Variants in CMIP observed in about 807,000 individuals in gnomAD.
CMIP encodes C-Maf-inducing protein.
In CMIP, 13 loss-of-function variants were observed where a neutral mutation model predicts 97.3. That is an observed-to-expected ratio of 0.13 (90% CI 0.09 to 0.21). The LOEUF is 0.21. CMIP is among the 10% of genes least tolerant of loss of function. CMIP has a pLI of 1.00. For missense variants in CMIP, 847 were observed against 1,024.9 expected (o/e 0.83, Z 2.37); for synonymous variants, 538 against 436.3 (o/e 1.23, Z -2.91).
At chr16:81,500,832 TC>T (rs1337027491) in intron 1 of CMIP, among the ~76,000 whole-genome samples, 3 of 151,860 alleles carry the variant, frequency 2.0e-5, no homozygotes, top group African/African-American at 4.8e-5. Context: ...CTTCCCTTCC[TC>T]CCTCCCTTCC....
intron 10 of CMIP, 59 bp from the exon 11 acceptor site, chr16:81,691,716 C>G: frequency 6.8e-7 from 1 of 1,473,308 alleles, no homozygotes; most frequent in East Asian, 2.3e-5. Flanking sequence ...GGACCAAAAA[C>G]AGTGCCATAA....
At chr16:81,449,608 C>A (rs534787326) in intron 1 of CMIP, among the ~76,000 whole-genome samples, 2 of 152,104 alleles carry the variant, frequency 1.3e-5, no homozygotes, top group African/African-American at 4.8e-5. Context: ...CCCTTCCCCC[C>A]ATGTGCCTAG....
intron 1 of CMIP, among the ~76,000 whole-genome samples, chr16:81,524,504 C>G (rs1352178942): frequency 1.3e-5 from 2 of 152,364 alleles, no homozygotes; most frequent in African/African-American, 4.8e-5. Flanking sequence ...ATCTGGAAGT[C>G]TTGGTGAGAC....
At chr16:81,467,840 C>A (rs1907297319) in intron 1 of CMIP, among the ~76,000 whole-genome samples, 1 of 151,120 alleles carries the variant, frequency 6.6e-6, no homozygotes, top group Non-Finnish European at 1.5e-5. Flanking sequence ...CTCGGCCTCC[C>A]AAAGTCCTGG....
chr16:81,701,795 G>A lies in CMIP; in HGVS notation c.1891G>A (p.Glu631Lys), dbSNP rs1232870933. 3.1e-6 allele frequency: 5 copies of A among 1,613,552 alleles called. No individual in the cohort carries two copies. In the South Asian group the frequency reaches 3.3e-5, roughly 11 times the overall value. ...GTGTGACCGGCAGCGGGAGCTGAAG[G>A]AGCTGGTGAGTCCCCGGCTGCTCCG... Reference protein sequence around the residue: ...QLCDRQRELKELQRKGGPTRL... With the variant: ...QLCDRQRELKKLQRKGGPTRL... Residue 631 changes from glutamate to lysine, a missense_variant, in exon 16 of 21, where the codon GAG becomes AAG. Around this residue, in one of 4 missense-constraint regions of CMIP, gnomAD observed 266 missense variants for 384.2 expected, o/e 0.69. Coordinates refer to ENST00000537098, the MANE Select transcript of CMIP (RefSeq NM_198390.3).
At chr16:81,599,856 C>T (rs574805276) in intron 1 of CMIP, among the ~76,000 whole-genome samples, 2 of 152,268 alleles carry the variant, frequency 1.3e-5, no homozygotes, top group East Asian at 3.9e-4. Context: ...ATATAAAGCT[C>T]TTAGCATGGT....
At chr16:81,487,701 G>T (rs1408827807) in intron 1 of CMIP, among the ~76,000 whole-genome samples, 1 of 152,212 alleles carries the variant, frequency 6.6e-6, no homozygotes, top group African/African-American at 2.4e-5. Context: ...GCAAACTGTG[G>T]CTTCCTTGCA....
intron 1 of CMIP, among the ~76,000 whole-genome samples, chr16:81,565,077 A>C (rs2090955303): frequency 6.6e-6 from 1 of 152,082 alleles, no homozygotes; most frequent in Non-Finnish European, 1.5e-5. Context: ...GCGGGGCCTT[A>C]AGACATTTTA....
At chr16:81,605,570 C>T (rs907359610) in intron 1 of CMIP, among the ~76,000 whole-genome samples, 2 of 152,206 alleles carry the variant, frequency 1.3e-5, no homozygotes, top group Non-Finnish European at 2.9e-5. Context: ...AGGAGTGACC[C>T]ACCCTTCTCT....
intron 3 of CMIP, among the ~76,000 whole-genome samples, chr16:81,648,784 GAAAAAAAAAAAAAAAAAAAAAA>G (rs6145916): frequency 1.2e-4 from 9 of 75,736 alleles, no homozygotes; most frequent in East Asian, 8.5e-4. Flanking sequence ...CTCTGTCTCA[GAAAAAAAAAAAAAAAAAAAAAA>G]AAAAAAAAAA....
In CMIP at chr16:81,627,309, C is replaced by T. The variant is rs968809189; in HGVS notation, c.477+6383C>T. Among the ~76,000 whole-genome samples, 12 of 151,884 alleles carry T rather than the reference C, an allele frequency of 7.9e-5. No homozygotes were observed. Among genetic ancestry groups the T allele is most frequent in the African/African-American group, 2.9e-4 (12 of 41,312 alleles). ...GTGTTTCTTTGGGCCTCAGTTTTCTCCTCTGTGGAATGGGGATGATCATGG... is the reference window on the plus strand; with the variant it reads ...GTGTTTCTTTGGGCCTCAGTTTTCTTCTCTGTGGAATGGGGATGATCATGG... On this transcript the variant is annotated intron_variant, in intron 3 of 20. Coordinates refer to ENST00000537098, the MANE Select transcript of CMIP (RefSeq NM_198390.3). This position sits in a 1 kb window ranked among gnomAD's most constrained non-coding sequence, Gnocchi z 4.6.
At position 81,657,797 on chromosome 16, in the gene CMIP, A is replaced by G; in HGVS notation, c.662A>G (p.Glu221Gly). 2 of 1,608,856 alleles carry G rather than the reference A, an allele frequency of 1.2e-6. No individual in the cohort carries two copies. Among genetic ancestry groups the G allele is most frequent in the Non-Finnish European group, 1.7e-6 (2 of 1,177,722 alleles). Residue 221 changes from glutamate to glycine, a missense_variant, in exon 5 of 21, where the codon GAG becomes GGG. Physicochemically the swap from Glu to Gly is moderately conservative, Grantham distance 98. Coordinates refer to ENST00000537098, the MANE Select transcript of CMIP (RefSeq NM_198390.3). ...TAGAACACAAACTTGACCACCCAGGAGCATGAAAACATCATTGTGGTAAGT... is the reference window on the plus strand; with the variant it reads ...TAGAACACAAACTTGACCACCCAGGGGCATGAAAACATCATTGTGGTAAGT... ...LSENTNLTTQ[E>G]HENIIVAIAP...
chr16:81,534,973 C>T lies in CMIP; in HGVS notation c.301-72594C>T, dbSNP rs1241603055. Among the ~76,000 whole-genome samples the T allele has an allele frequency of 5.9e-5, 9 of 152,092 alleles. No homozygotes were observed. The East Asian group carries it at 1.2e-3, about 20-fold the overall frequency. ...TGTTTTGTTTGTTTGTTTTTTGAGA[C>T]GGAGTCTTGCTCTGTCTCCCAGGCT... On this transcript the variant is annotated intron_variant, in intron 1 of 20. Coordinates refer to ENST00000537098, the MANE Select transcript of CMIP (RefSeq NM_198390.3).
intron 7 of CMIP, 51 bp downstream of exon 7, chr16:81,664,400 C>G: frequency 1.3e-6 from 2 of 1,523,388 alleles, no homozygotes; most frequent in Non-Finnish European, 1.8e-6. Context: ...AACATGAGGC[C>G]CCGCGCGCCT....
At position 81,607,572 on chromosome 16, in the gene CMIP, T is replaced by C; in HGVS notation, c.306T>C (p.Thr102=). 6.2e-7 allele frequency: 1 copy of C among 1,613,866 alleles called. No individual in the cohort carries two copies. Among genetic ancestry groups the C allele is most frequent in the East Asian group, 2.2e-5 (1 of 44,894 alleles). Residue 102 remains threonine (T), a synonymous_variant, in exon 2 of 21, where the codon ACT becomes ACC. Transcript: ENST00000537098. ...ADNSLASATP[T]GYMENSVSYS... The stretch of plus-strand genomic sequence containing the variant: ...TTTTTCTTTTTTTGCTGCAGCCAAC[T>C]GGGTACATGGAAAACTCAGTCTCCT...
intron 9 of CMIP, 64 bp from the exon 10 acceptor site, chr16:81,678,211 A>C: frequency 7.8e-7 from 1 of 1,279,654 alleles, no homozygotes; most frequent in Non-Finnish European, 1.1e-6. Flanking sequence ...CTTTAGTCTG[A>C]TGGGTCATGG....
chr16:81,551,939 C>T (rs2150857864), intron 1 of CMIP, among the ~76,000 whole-genome samples: 1 of 152,350 alleles, frequency 6.6e-6, no homozygotes, highest in Non-Finnish European at 1.5e-5. Context: ...CTTGCTCAGT[C>T]ACCATGGACG....
At chr16:81,704,753 G>T (rs1907934089) in intron 18 of CMIP, among the ~76,000 whole-genome samples, 1 of 96,304 alleles carries the variant, frequency 1.0e-5, no homozygotes, top group African/African-American at 4.2e-5. Flanking sequence ...CCGCTTCCCT[G>T]CCTACACCCC....
intron 1 of CMIP, among the ~76,000 whole-genome samples, chr16:81,533,294 A>G (rs2090276637): frequency 6.6e-6 from 1 of 152,212 alleles, no homozygotes; most frequent in Admixed American, 6.5e-5. Flanking sequence ...CTAGATGCTC[A>G]GTACATAGTT....
Sources: gnomAD v4.1 joint callset for allele counts (sites outside exome capture counted in the v4.1 genomes callset) on GRCh38, gnomAD v4.1.1 for gene constraint, gnomAD v4.1.1 regional missense constraint, Gnocchi (gnomAD v3.1) non-coding constraint, MANE v1.5 for transcripts, NCBI Gene and HGNC (gene_info 2026-07-23, HGNC 2026-07-21) for gene names.